Variants in TSHZ2 observed in about 807,000 individuals in gnomAD.
The protein encoded by TSHZ2 is teashirt homolog 2.
In TSHZ2, 21 loss-of-function variants were observed where a neutral mutation model predicts 74.4. That is an observed-to-expected ratio of 0.28 (90% confidence interval 0.20 to 0.41). The LOEUF is 0.41. TSHZ2 is among the 10% of genes least tolerant of loss of function. The probability of loss-of-function intolerance (pLI) is 1.00; values close to 1 mark genes in which losing one functional copy is unlikely to be tolerated. For synonymous variants in TSHZ2, 540 were observed against 515.3 expected, an observed-to-expected ratio of 1.05 and a Z score of -0.65; for missense variants, 1,244 against 1,293.5, an observed-to-expected ratio of 0.96 and a Z score of 0.59.
At chr20:53,296,091 G>A (rs1446119541) in intron 2 of TSHZ2, among the ~76,000 whole-genome samples, 1 of 148,392 alleles carries the variant, frequency 6.7e-6, no homozygotes, top group African/African-American at 2.5e-5. Flanking sequence ...CTTGAAGACT[G>A]TTTCTCCTCT....
intron 1 of TSHZ2, among the ~76,000 whole-genome samples, chr20:53,133,708 G>A (rs923075091): frequency 2.0e-4 from 30 of 151,958 alleles, no homozygotes; most frequent in South Asian, 2.1e-4. Context: ...GAATTCTATC[G>A]CATTGCCAAA....
intron 1 of TSHZ2, among the ~76,000 whole-genome samples, chr20:53,159,150 A>C (rs570199386): frequency 2.6e-5 from 4 of 152,306 alleles, no homozygotes; most frequent in Non-Finnish European, 5.9e-5. Context: ...ATCCTAAGTA[A>C]ACTGAGTCCC....
intron 1 of TSHZ2, among the ~76,000 whole-genome samples, chr20:52,989,266 A>C (rs1981888391): frequency 6.6e-6 from 1 of 152,080 alleles, no homozygotes; most frequent in Non-Finnish European, 1.5e-5. Context: ...ACATTTTAAA[A>C]CAACCCATTG....
intron 2 of TSHZ2, chr20:53,421,283 A>G: frequency 6.1e-6 from 1 of 164,124 alleles, no homozygotes; most frequent in South Asian, 2.0e-4. Flanking sequence ...CAAAGTTCCA[A>G]AGACATCAGA....
rs746229021 is a variant in TSHZ2, at chr20:53,088,493, C to T, written c.40+115160C>T. On this transcript the variant is annotated intron_variant, in intron 1 of 2. Coordinates refer to ENST00000371497, the MANE Select transcript of TSHZ2 (RefSeq NM_173485.6). ...ATTTGAATGGAATTGAGGATCTCAG[C>T]GTTGGCCCTCCGTCCTGCTGTTGTC... 5.3e-5 allele frequency among the ~76,000 whole-genome samples: 8 copies of T among 152,156 alleles called. No individual in the cohort carries two copies. The South Asian group carries it at 8.3e-4, about 16-fold the overall frequency.
At chr20:53,106,505 C>G (rs576605390) in intron 1 of TSHZ2, among the ~76,000 whole-genome samples, 1 of 137,294 alleles carries the variant, frequency 7.3e-6, no homozygotes. Flanking sequence ...CCCAGGTTCA[C>G]GCCATTCTCC....
At chr20:53,436,262 G>A (rs879919090) in intron 2 of TSHZ2, among the ~76,000 whole-genome samples, 2 of 152,100 alleles carry the variant, frequency 1.3e-5, no homozygotes, top group South Asian at 2.1e-4. Context: ...GGAGATCTCT[G>A]GGATTCTCCT....
intron 2 of TSHZ2, among the ~76,000 whole-genome samples, chr20:53,360,853 T>C (rs1207743049): frequency 6.6e-6 from 1 of 152,206 alleles, no homozygotes; most frequent in Non-Finnish European, 1.5e-5. Flanking sequence ...ACAAACCTTA[T>C]ATTAAAAACT....
chr20:53,308,342 C>T (rs774806643), intron 2 of TSHZ2, among the ~76,000 whole-genome samples: 17 of 152,062 alleles, frequency 1.1e-4, no homozygotes, highest in African/African-American at 1.9e-4. Flanking sequence ...AGTTCACACG[C>T]GGTCTGTGCA....
intron 2 of TSHZ2, among the ~76,000 whole-genome samples, chr20:53,300,797 A>G (rs6022379): frequency 0.67 from 101,673 of 152,020 alleles, 34,928 homozygotes; most frequent in African/African-American, 0.82. Context: ...ATTTCTTTGG[A>G]ACTTTGGAGA....
chr20:53,192,781 A>G (rs1988769347), intron 1 of TSHZ2, among the ~76,000 whole-genome samples: 1 of 152,192 alleles, frequency 6.6e-6, no homozygotes, highest in Non-Finnish European at 1.5e-5. Context: ...TTTCTCCTAC[A>G]ACTTGAGCTC....
At chr20:53,324,414 A>G (rs200644) in intron 2 of TSHZ2, among the ~76,000 whole-genome samples, 131,509 of 152,152 alleles carry the variant, frequency 0.86, 57,161 homozygotes, top group African/African-American at 0.95. Context: ...GTGTTACTCT[A>G]TCACCCAGGC....
intron 2 of TSHZ2, among the ~76,000 whole-genome samples, chr20:53,304,651 G>A (rs1231504427): frequency 1.3e-5 from 2 of 152,058 alleles, no homozygotes; most frequent in South Asian, 2.1e-4. Flanking sequence ...TTGTTTGTTT[G>A]AGACACAGTC....
At chr20:53,338,436 C>A (rs1980045178) in intron 2 of TSHZ2, among the ~76,000 whole-genome samples, 1 of 152,180 alleles carries the variant, frequency 6.6e-6, no homozygotes. Context: ...TTCTCTCTTC[C>A]AAAAGGAGTA....
At chr20:53,176,111 A>G (rs1476583492) in intron 1 of TSHZ2, among the ~76,000 whole-genome samples, 1 of 152,216 alleles carries the variant, frequency 6.6e-6, no homozygotes, top group Admixed American at 6.5e-5. Context: ...GTTTGACAAC[A>G]GGTGCTGAAC....
intron 2 of TSHZ2, among the ~76,000 whole-genome samples, chr20:53,461,117 A>ATGGCGGGCGCCCCTCCCCCAGCC (rs1167384276): frequency 2.6e-4 from 39 of 152,198 alleles, no homozygotes; most frequent in African/African-American, 8.7e-4. Flanking sequence ...AGCCTGGGCA[A>ATGGCGGGCGCCCCTCCCCCAGCC]TGGCGGGCGC....
intron 2 of TSHZ2, among the ~76,000 whole-genome samples, chr20:53,430,461 T>G (rs1043787167): frequency 6.6e-6 from 1 of 151,682 alleles, no homozygotes; most frequent in African/African-American, 2.4e-5. Flanking sequence ...ATTAAAAAAA[T>G]AGAGAGAGAA....
At chr20:53,243,180 C>G (rs575527829) in intron 1 of TSHZ2, among the ~76,000 whole-genome samples, 170 of 151,984 alleles carry the variant, frequency 1.1e-3, no homozygotes, top group Non-Finnish European at 1.6e-3. Context: ...AAGGGGGAAT[C>G]TTTTATACAT....
Position 53,182,032 on chromosome 20 carries a change from C to A in TSHZ2, c.41-71467C>A, listed in dbSNP as rs571206960. Among the ~76,000 whole-genome samples, 4 of 152,308 alleles carry A rather than the reference C, an allele frequency of 2.6e-5. No homozygotes were observed. The South Asian group carries it at 8.3e-4, about 32-fold the overall frequency. ...TGATCTTAGGATATTATGCATCAGTCCATGTTGCCCCATCAAACACCTACT... is the reference window on the plus strand; with the variant it reads ...TGATCTTAGGATATTATGCATCAGTACATGTTGCCCCATCAAACACCTACT... On this transcript the variant is annotated intron_variant, in intron 1 of 2. Coordinates refer to ENST00000371497, the MANE Select transcript of TSHZ2 (RefSeq NM_173485.6).
Sources: allele counts gnomAD v4.1 joint callset (sites outside exome capture counted in the v4.1 genomes callset), GRCh38; gene constraint gnomAD v4.1.1; transcripts MANE v1.5; gene names NCBI Gene and HGNC (gene_info 2026-07-23, HGNC 2026-07-21).